The following CERS4 variants were observed in gnomAD, a reference collection of about 807,000 sequenced individuals.
The protein encoded by CERS4 is ceramide synthase 4, also known as LAG1 homolog, ceramide synthase 4.
A neutral mutation model predicts 51.8 loss-of-function variants in CERS4; 65 were observed. That is an observed-to-expected ratio of 1.26 (90% CI 1.03 to 1.54). The LOEUF is 1.54. Ranked by LOEUF, CERS4 falls within the 40% of genes most tolerant of loss-of-function variation. The probability of loss-of-function intolerance (pLI) is 0.00; values close to 1 mark genes in which losing one functional copy is unlikely to be tolerated. For missense variants in CERS4, 563 were observed against 500.4 expected, an observed-to-expected ratio of 1.13 and a Z score of -1.19; for synonymous variants, 228 against 208.4, an observed-to-expected ratio of 1.09 and a Z score of -0.81.
intron 2 of CERS4, among the ~76,000 whole-genome samples, chr19:8,224,784 T>A (rs1967715885): frequency 6.6e-6 from 1 of 152,078 alleles, no homozygotes; most frequent in South Asian, 2.1e-4. Context: ...GGAGGGACTG[T>A]CGCGGGAAAG....
At chr19:8,256,803 C>T (rs964760939) in intron 8 of CERS4, 93 bp downstream of exon 8, 2 of 1,564,900 alleles carry the variant, frequency 1.3e-6, no homozygotes, top group Non-Finnish European at 1.7e-6. Flanking sequence ...ACCTTGAGAG[C>T]TCCCTGGTGC....
intron 2 of CERS4, among the ~76,000 whole-genome samples, chr19:8,221,488 C>A (rs1397398193): frequency 6.6e-6 from 1 of 151,950 alleles, no homozygotes; most frequent in Non-Finnish European, 1.5e-5. Flanking sequence ...GAGAAAGTGT[C>A]TTCTGAAAAT....
Position 8,256,628 on chromosome 19 carries a change from C to G in CERS4, c.530C>G (p.Pro177Arg), listed in dbSNP as rs1481960818. 2.5e-6 allele frequency: 4 copies of G among 1,612,126 alleles called. No individual in the cohort carries two copies. The African/African-American group carries it at 5.3e-5, about 22-fold the overall frequency. Residue 177 changes from proline to arginine, a missense_variant, in exon 8 of 12, where the codon CCA (proline) becomes CGA (arginine). Transcript: ENST00000251363. ...WDRYPNQTLK[P>R]SLYWWYLLEL... Reference sequence around the variant, plus strand: ...CCTGTCCTGCTGCAGACTCTGAAGCCATCCCTGTACTGGTGGTACCTCTTG... The same window carrying G: ...CCTGTCCTGCTGCAGACTCTGAAGCGATCCCTGTACTGGTGGTACCTCTTG...
intron 10 of CERS4, among the ~76,000 whole-genome samples, chr19:8,258,359 G>C (rs1303523206): frequency 6.6e-6 from 1 of 152,194 alleles, no homozygotes; most frequent in East Asian, 1.9e-4. Flanking sequence ...CAGATGGTAA[G>C]TGAGGCAGCC....
chr19:8,237,445 C>T (rs1022816707), intron 2 of CERS4, among the ~76,000 whole-genome samples: 1 of 151,980 alleles, frequency 6.6e-6, no homozygotes, highest in African/African-American at 2.4e-5. Flanking sequence ...ATCCCAGCTA[C>T]TTGGGAGGCT....
chr19:8,257,912 C>T lies in CERS4; in HGVS notation c.775C>T (p.Gln259Ter). The T allele has an allele frequency of 6.2e-7, 1 of 1,613,932 alleles. No individual in the cohort carries two copies. Among genetic ancestry groups the T allele is most frequent in the Non-Finnish European group, 8.5e-7 (1 of 1,179,972 alleles). Residue 259 changes from glutamine (Q) to a stop codon, truncating the protein, a stop_gained, in exon 10 of 12, where the codon CAA (glutamine) becomes TAA (stop). Coordinates refer to ENST00000251363, the MANE Select transcript of CERS4 (RefSeq NM_024552.3). LOFTEE classifies it high-confidence loss of function. The stretch of plus-strand genomic sequence containing the variant: ...GATGGTCAACTACATGCAGTATCAG[C>T]AAGTGTGCGACGCTCTCTTCCTCAT... ...CKMVNYMQYQ[Q>*]VCDALFLIFS...
Position 8,254,561 on chromosome 19 carries a change from A to C in CERS4, c.236A>C (p.Lys79Thr). 1.2e-6 allele frequency: 2 copies of C among 1,613,584 alleles called. No individual in the cohort carries two copies. The highest frequency in any genetic ancestry group is 1.7e-6 in the Non-Finnish European group (2 of 1,179,884). Reference protein sequence around the residue: ...GVRDQTRRQVKPNATLEKHFL... With the variant: ...GVRDQTRRQVTPNATLEKHFL... The stretch of plus-strand genomic sequence containing the variant: ...AGGGATCAGACCAGGAGGCAAGTGA[A>C]GCCCAACGCCACGCTGGAGAAACAC... Residue 79 changes from lysine to threonine, a missense_variant, in exon 4 of 12, where the codon AAG becomes ACG. Transcript: ENST00000251363.
chr19:8,224,281 CT>C (rs1967692103), intron 2 of CERS4, among the ~76,000 whole-genome samples: 4 of 147,082 alleles, frequency 2.7e-5, no homozygotes, highest in Non-Finnish European at 1.5e-5. Flanking sequence ...GTGGCACGCG[CT>C]TGTAATCCCA....
At chr19:8,243,609 C>A (rs1245783873) in intron 2 of CERS4, among the ~76,000 whole-genome samples, 1 of 151,834 alleles carries the variant, frequency 6.6e-6, no homozygotes, top group Admixed American at 6.6e-5. Flanking sequence ...TGCCCCATAG[C>A]ATGGTACTTA....
chr19:8,227,770 C>T (rs1468547616), intron 2 of CERS4, among the ~76,000 whole-genome samples: 2 of 152,052 alleles, frequency 1.3e-5, no homozygotes, highest in African/African-American at 2.4e-5. Context: ...AGGCCCCTAG[C>T]GTCACCAGAT....
intron 2 of CERS4, among the ~76,000 whole-genome samples, chr19:8,215,860 C>T (rs148095702): frequency 2.6e-5 from 4 of 152,162 alleles, no homozygotes; most frequent in Non-Finnish European, 5.9e-5. Context: ...GGCACCCAGA[C>T]GGTAACAGGA....
chr19:8,255,789 C>CT (rs764942059), intron 5 of CERS4, 33 bp from the exon 6 acceptor site: 2 of 1,613,424 alleles, frequency 1.2e-6, no homozygotes, highest in South Asian at 2.2e-5. Flanking sequence ...GGGCGGGTGT[C>CT]TGCTATTTTC....
intron 2 of CERS4, among the ~76,000 whole-genome samples, chr19:8,236,844 A>G (rs866771856): frequency 1.3e-5 from 2 of 151,646 alleles, no homozygotes; most frequent in African/African-American, 4.8e-5. Flanking sequence ...TCTACTAAAA[A>G]TACAAAAATT....
rs1967054767 is a variant in CERS4 at position 8,210,816 on chromosome 19, G to C, written c.-48G>C. 1 of 152,282 alleles carries C rather than the reference G, an allele frequency of 6.6e-6. No homozygotes were observed. The highest frequency in any genetic ancestry group is 2.4e-5 in the African/African-American group (1 of 41,434). The allele number at this position is 152,282 out of a possible 1,614,324, so 9.4% of individuals were successfully genotyped here. A position where few individuals can be genotyped will look rare whatever the true frequency, so the allele number is the denominator to read the frequency against. On this transcript the variant is annotated 5_prime_UTR_variant, in exon 2 of 12. Transcript: ENST00000251363. The surrounding 1 kb of genome is among the most constrained non-coding windows in gnomAD (Gnocchi z 4.2). ...AGCCAGGCGTGGAGGAAGAGGCATT[G>C]AGGACTTTCCTTACCTGTTTTTCCA... is the stretch of plus-strand genomic sequence containing the variant.
At chr19:8,248,109 C>T (rs1351007882) in intron 2 of CERS4, among the ~76,000 whole-genome samples, 5 of 152,136 alleles carry the variant, frequency 3.3e-5, no homozygotes, top group East Asian at 1.9e-4. Flanking sequence ...TTTAAAATCA[C>T]GCCACTCTGT....
chr19:8,237,809 C>T (rs1968335963), intron 2 of CERS4, among the ~76,000 whole-genome samples: 5 of 152,140 alleles, frequency 3.3e-5, no homozygotes, highest in Admixed American at 3.3e-4. Flanking sequence ...CGAGATTGCG[C>T]CACTGCACAC....
chr19:8,242,908 C>G (rs535288763), intron 2 of CERS4, among the ~76,000 whole-genome samples: 1 of 152,154 alleles, frequency 6.6e-6, no homozygotes, highest in East Asian at 1.9e-4. Flanking sequence ...CTACACTCAT[C>G]ATGACTTGAA....
chr19:8,239,367 C>T (rs1230099853), intron 2 of CERS4: 3 of 148,882 alleles, frequency 2.0e-5, no homozygotes, highest in Non-Finnish European at 4.4e-5. Context: ...CCACTGTACT[C>T]CAGCCTGGGC....
chr19:8,254,419 C>A, intron 3 of CERS4, 80 bp from the exon 4 acceptor site: 1 of 1,337,120 alleles, frequency 7.5e-7, no homozygotes, highest in Non-Finnish European at 1.1e-6. Context: ...GGTTATCCCA[C>A]CGGCAGCATG....
Sources: gnomAD v4.1 joint callset for allele counts (sites outside exome capture counted in the v4.1 genomes callset) on GRCh38, gnomAD v4.1.1 for gene constraint, Gnocchi (gnomAD v3.1) non-coding constraint, MANE v1.5 for transcripts, NCBI Gene and HGNC (gene_info 2026-07-23, HGNC 2026-07-21) for gene names.